Variants in GRIP1 observed in about 807,000 individuals in gnomAD.
GRIP1 encodes the protein glutamate receptor-interacting protein 1.
In GRIP1, 45 loss-of-function variants were observed where a neutral mutation model predicts 129.9. The observed-to-expected ratio is 0.35, with a 90% confidence interval of 0.27 to 0.44. The LOEUF (loss-of-function observed/expected upper bound fraction) is 0.44, where lower values mean the gene tolerates loss of function less well. Among genes scored for constraint, GRIP1 ranks in the 20% least tolerant of loss-of-function variants. GRIP1 has a pLI of 1.00. For missense variants in GRIP1, 1,196 were observed against 1,396.8 expected (o/e 0.86, Z 2.29); for synonymous variants, 530 against 520.8 (o/e 1.02, Z -0.24).
intron 16 of GRIP1, among the ~76,000 whole-genome samples, chr12:66,397,975 T>C (rs981320597): frequency 6.6e-6 from 1 of 152,242 alleles, no homozygotes; most frequent in African/African-American, 2.4e-5. Flanking sequence ...TTTCCTTTCA[T>C]AGACGGTGGT....
intron 7 of GRIP1, among the ~76,000 whole-genome samples, chr12:66,486,811 G>A (rs544780063): frequency 6.7e-5 from 10 of 149,970 alleles, no homozygotes; most frequent in Admixed American, 6.7e-4. Context: ...TTTTTTTTGA[G>A]TGAGGGTCTC....
intron 1 of GRIP1, among the ~76,000 whole-genome samples, chr12:67,032,041 C>T (rs2043030564): frequency 6.6e-6 from 1 of 152,164 alleles, no homozygotes; most frequent in Admixed American, 6.6e-5. Context: ...TAGGGATACA[C>T]TTCAGACAGG....
intron 1 of GRIP1, among the ~76,000 whole-genome samples, chr12:66,706,823 A>T (rs1565978783): frequency 6.6e-6 from 1 of 151,932 alleles, no homozygotes; most frequent in East Asian, 1.9e-4. Context: ...TGTTGAGAAC[A>T]CATGGACACA....
chr12:66,396,799 T>C (rs2056805222), intron 16 of GRIP1, among the ~76,000 whole-genome samples: 1 of 152,126 alleles, frequency 6.6e-6, no homozygotes, highest in Non-Finnish European at 1.5e-5. Flanking sequence ...ACAAATAAAT[T>C]GCCAGAAACA....
chr12:66,495,601 A>G (rs1392694290), intron 7 of GRIP1, among the ~76,000 whole-genome samples: 3 of 152,150 alleles, frequency 2.0e-5, no homozygotes, highest in African/African-American at 7.2e-5. Flanking sequence ...TTCCTGCCAA[A>G]TAGTACCTTC....
chr12:66,502,210 G>A (rs1364924362), intron 7 of GRIP1, among the ~76,000 whole-genome samples: 2 of 152,086 alleles, frequency 1.3e-5, no homozygotes, highest in Non-Finnish European at 2.9e-5. Flanking sequence ...TACGAGTTAG[G>A]AGTAGTGGCC....
chr12:66,656,934 G>A (rs77828325), intron 1 of GRIP1, among the ~76,000 whole-genome samples: 2,802 of 151,936 alleles, frequency 0.018, 92 homozygotes, highest in African/African-American at 0.065. Flanking sequence ...CTAATAACCT[G>A]GAAACCTTGC....
At chr12:67,031,036 C>A (rs1487438502) in intron 1 of GRIP1, among the ~76,000 whole-genome samples, 1 of 152,064 alleles carries the variant, frequency 6.6e-6, no homozygotes, top group African/African-American at 2.4e-5. Flanking sequence ...GTAATAGATA[C>A]ATCCTCAATG....
intron 16 of GRIP1, among the ~76,000 whole-genome samples, chr12:66,405,167 AAAACC>A (rs1208486106): frequency 6.6e-6 from 1 of 152,234 alleles, no homozygotes; most frequent in Non-Finnish European, 1.5e-5. Context: ...CACTGCATTA[AAAACC>A]AAACCAAACC....
At chr12:66,643,501 A>G (rs1297851962) in intron 1 of GRIP1, among the ~76,000 whole-genome samples, 1 of 152,212 alleles carries the variant, frequency 6.6e-6, no homozygotes, top group Non-Finnish European at 1.5e-5. Flanking sequence ...TCTGAAATAC[A>G]TATTTGCCTA....
intron 1 of GRIP1, among the ~76,000 whole-genome samples, chr12:66,800,785 T>C (rs1198855872): frequency 6.6e-6 from 1 of 152,052 alleles, no homozygotes. Context: ...TCAAAGCAAG[T>C]TTTTCTCAAG....
At position 66,985,130 on chromosome 12, in the gene GRIP1, C is replaced by T. The variant is rs150733042; in HGVS notation, c.58+83920G>A. Among the ~76,000 whole-genome samples the T allele has an allele frequency of 7.5e-4, 114 of 152,178 alleles. 1 individual carries two copies. Among genetic ancestry groups the T allele is most frequent in the Middle Eastern group, 6.8e-3 (2 of 294 alleles). ...GCTGGCTGGCTTCCAAGCAGCATGCCTAAAGAATAAGGTAGAAGAAGTACA... is the reference window on the plus strand; with the variant it reads ...GCTGGCTGGCTTCCAAGCAGCATGCTTAAAGAATAAGGTAGAAGAAGTACA... On this transcript the variant is annotated intron_variant, in intron 1 of 1. Transcript: ENST00000643019.
intron 5 of GRIP1, among the ~76,000 whole-genome samples, chr12:66,526,708 A>C (rs558697729): frequency 6.6e-6 from 1 of 151,784 alleles, no homozygotes; most frequent in Non-Finnish European, 1.5e-5. Flanking sequence ...GAGCTTCTGC[A>C]CAGCAAAAGA....
At chr12:66,719,815 AT>A (rs1378624853) in intron 1 of GRIP1, among the ~76,000 whole-genome samples, 1 of 152,200 alleles carries the variant, frequency 6.6e-6, no homozygotes. Flanking sequence ...CTTATGTACA[AT>A]TTATAGACGG....
At chr12:66,703,793 T>C (rs1232906512) in intron 1 of GRIP1, among the ~76,000 whole-genome samples, 1 of 152,070 alleles carries the variant, frequency 6.6e-6, no homozygotes, top group Non-Finnish European at 1.5e-5. Context: ...GGTGACATTA[T>C]GCCTACTAGA....
chr12:66,989,611 T>C (rs929111578), intron 1 of GRIP1, among the ~76,000 whole-genome samples: 1 of 152,236 alleles, frequency 6.6e-6, no homozygotes, highest in Non-Finnish European at 1.5e-5. Context: ...AAAATCTTTA[T>C]TTCACTCATA....
At chr12:66,781,608 G>A (rs1022811941) in intron 1 of GRIP1, among the ~76,000 whole-genome samples, 1 of 151,928 alleles carries the variant, frequency 6.6e-6, no homozygotes, top group African/African-American at 2.4e-5. Context: ...CTCTAACCTA[G>A]GACAAATTGA....
chr12:66,440,791 T>A (rs953523241), intron 13 of GRIP1, among the ~76,000 whole-genome samples: 30 of 152,180 alleles, frequency 2.0e-4, no homozygotes, highest in African/African-American at 6.5e-4. Context: ...TCACTATCTG[T>A]TGTCTCTTCT....
chr12:66,537,605 A>G (rs952977791), intron 4 of GRIP1, among the ~76,000 whole-genome samples: 13 of 152,166 alleles, frequency 8.5e-5, no homozygotes, highest in African/African-American at 2.2e-4. Flanking sequence ...AAGAACTAAT[A>G]TAAAACATAC....
Sources: allele counts gnomAD v4.1 joint callset (sites outside exome capture counted in the v4.1 genomes callset), GRCh38; gene constraint gnomAD v4.1.1; transcripts MANE v1.5; gene names NCBI Gene and HGNC (gene_info 2026-07-23, HGNC 2026-07-21).